Variants in PCDHGA3 observed in about 807,000 individuals in gnomAD.
The protein encoded by PCDHGA3 is protocadherin gamma subfamily A, 3, also known as protocadherin gamma-A3.
Under a neutral mutation model 58.5 loss-of-function variants are expected in PCDHGA3, and 40 were observed. The observed-to-expected ratio is 0.68, with a 90% CI of 0.53 to 0.89. The LOEUF (loss-of-function observed/expected upper bound fraction) is 0.89. Among genes scored for constraint, PCDHGA3 ranks in the 40% least tolerant of loss-of-function variants. PCDHGA3 has a pLI of 0.00. For synonymous variants in PCDHGA3, 530 were observed against 525.7 expected, an observed-to-expected ratio of 1.01 and a Z score of -0.11; for missense variants, 1,223 against 1,195.9, an observed-to-expected ratio of 1.02 and a Z score of -0.33.
intron 1 of PCDHGA3, chr5:141,351,280 C>T: frequency 1.2e-6 from 2 of 1,613,752 alleles, no homozygotes; most frequent in Non-Finnish European, 1.7e-6. Context: ...ATGACAATGC[C>T]CCAGAGGTGA....
chr5:141,365,976 G>T, intron 1 of PCDHGA3: 1 of 1,614,232 alleles, frequency 6.2e-7, no homozygotes, highest in Non-Finnish European at 8.5e-7. Context: ...GTGTCGCTGA[G>T]CCTGTTTGTG....
At chr5:141,394,425 G>A (rs2092997484) in intron 1 of PCDHGA3, 6 of 1,614,232 alleles carry the variant, frequency 3.7e-6, no homozygotes, top group Non-Finnish European at 5.1e-6. Flanking sequence ...CAGCGACAGC[G>A]GGGACCCGCC....
chr5:141,358,546 G>T (rs1278401378), intron 1 of PCDHGA3, among the ~76,000 whole-genome samples: 1 of 152,144 alleles, frequency 6.6e-6, no homozygotes, highest in East Asian at 1.9e-4. Flanking sequence ...TCTTGTTGCT[G>T]TTCTGAGATG....
intron 1 of PCDHGA3, chr5:141,484,853 G>T (rs747582810): frequency 2.5e-4 from 64 of 251,466 alleles, no homozygotes; most frequent in Non-Finnish European, 4.3e-4. Flanking sequence ...GGGTTTTTTG[G>T]GGGGTGGGGG....
In PCDHGA3 at chr5:141,490,004, CA is replaced by C; in HGVS notation, c.2425-4802del. 1 of 1,614,174 alleles carries C rather than the reference CA, an allele frequency of 6.2e-7. No individual in the cohort carries two copies. Among genetic ancestry groups the C allele is most frequent in the Admixed American group, 1.7e-5 (1 of 60,034 alleles). ...CTACGTGTGGGAATCCCAGAGAATG[CA>C]CCCATTGGTACTCTGCTGCTCCGCC... On this transcript the variant is annotated intron_variant, in intron 1 of 3. Transcript: ENST00000253812. This position sits in a 1 kb window ranked among gnomAD's most constrained non-coding sequence, Gnocchi z 5.4.
chr5:141,415,627 A>T, intron 1 of PCDHGA3: 1 of 1,598,406 alleles, frequency 6.3e-7, no homozygotes, highest in Non-Finnish European at 8.5e-7. Context: ...TTTTATTTTC[A>T]TTTTTACTTT....
intron 1 of PCDHGA3, among the ~76,000 whole-genome samples, chr5:141,463,809 T>G (rs964935762): frequency 1.3e-5 from 2 of 152,216 alleles, no homozygotes; most frequent in African/African-American, 4.8e-5. Context: ...TAAAAGCTTT[T>G]ATCACACATT....
intron 1 of PCDHGA3, chr5:141,351,807 T>C: frequency 1.9e-6 from 3 of 1,613,300 alleles, no homozygotes; most frequent in Non-Finnish European, 2.5e-6. Context: ...CAGCGCGCCT[T>C]CGACCACGAG....
At chr5:141,488,385 G>A (rs917106670) in intron 1 of PCDHGA3, among the ~76,000 whole-genome samples, 11 of 152,164 alleles carry the variant, frequency 7.2e-5, no homozygotes, top group Non-Finnish European at 1.5e-5. Context: ...TCCTGAATTT[G>A]GTGAAACCAT....
rs768907590 is a variant in PCDHGA3, at chr5:141,422,045, G to C, written c.2425-72762G>C. Reference sequence around the variant, plus strand: ...GTTAATGCAACGGATCCAGACGAGGGAATCAACGGGGAAGTAATGTATTCA... The same window carrying C: ...GTTAATGCAACGGATCCAGACGAGGCAATCAACGGGGAAGTAATGTATTCA... On this transcript the variant is annotated intron_variant, in intron 1 of 3. Transcript: ENST00000253812. 1.5e-5 allele frequency: 24 copies of C among 1,611,434 alleles called. No individual in the cohort carries two copies. The Admixed American group carries it at 3.9e-4, about 26-fold the overall frequency.
chr5:141,504,010 C>G (rs980812107), intron 2 of PCDHGA3, among the ~76,000 whole-genome samples: 9 of 152,204 alleles, frequency 5.9e-5, no homozygotes, highest in African/African-American at 1.2e-4. Context: ...TTAACTGTCT[C>G]TGCTGGTCTC....
Position 141,485,813 on chromosome 5 carries a change from G to A in PCDHGA3, c.2425-8994G>A. The A allele has an allele frequency of 1.9e-6, 3 of 1,614,078 alleles. No individual in the cohort carries two copies. Among genetic ancestry groups the A allele is most frequent in the Non-Finnish European group, 2.5e-6 (3 of 1,180,008 alleles). On this transcript the variant is annotated intron_variant, in intron 1 of 3. Coordinates refer to ENST00000253812, the MANE Select transcript of PCDHGA3 (RefSeq NM_018916.4). This position sits in a 1 kb window ranked among gnomAD's most constrained non-coding sequence, Gnocchi z 5.7. ...ATCGGACTACCGCCTGGTGCTGACT[G>A]CTGTCGATGGAGGGAACCCGCCGAG... is the stretch of plus-strand genomic sequence containing the variant.
intron 1 of PCDHGA3, chr5:141,379,179 T>C (rs1440992563): frequency 6.6e-6 from 1 of 152,218 alleles, no homozygotes; most frequent in Non-Finnish European, 1.5e-5. Context: ...AAAGATAACA[T>C]TGAGTTGATG....
At chr5:141,442,403 G>A (rs1042068651) in intron 1 of PCDHGA3, 2 of 152,168 alleles carry the variant, frequency 1.3e-5, no homozygotes, top group African/African-American at 4.8e-5. Context: ...TACGAATCCA[G>A]GGCTGAGTGA....
At chr5:141,507,931 G>A (rs1442781255) in intron 3 of PCDHGA3, 1 of 152,326 alleles carries the variant, frequency 6.6e-6, no homozygotes, top group African/African-American at 2.4e-5. Context: ...CTGCTGAGAG[G>A]GGTTAAGTAA....
intron 1 of PCDHGA3, chr5:141,374,905 CG>C: frequency 6.2e-7 from 1 of 1,613,734 alleles, no homozygotes; most frequent in Non-Finnish European, 8.5e-7. Flanking sequence ...AAGGAGTCCA[CG>C]GGGAAGTAAC....
intron 1 of PCDHGA3, chr5:141,388,788 T>C (rs1253708084): frequency 1.2e-6 from 2 of 1,613,942 alleles, no homozygotes; most frequent in Non-Finnish European, 1.7e-6. Flanking sequence ...AATTACTGTT[T>C]TAAATACATT....
At chr5:141,350,401 A>G (rs1465842989) in intron 1 of PCDHGA3, 1 of 1,600,540 alleles carries the variant, frequency 6.2e-7, no homozygotes, top group South Asian at 1.1e-5. Context: ...GGGTGGGGAA[A>G]CTTGCCAAGG....
intron 1 of PCDHGA3, chr5:141,398,010 G>A: frequency 7.1e-7 from 1 of 1,408,980 alleles, no homozygotes; most frequent in South Asian, 1.5e-5. Context: ...AAAAAGAATC[G>A]TTTCCTAAAC....
Sources: allele counts gnomAD v4.1 joint callset (sites outside exome capture counted in the v4.1 genomes callset), GRCh38; gene constraint gnomAD v4.1.1; non-coding constraint Gnocchi (gnomAD v3.1); transcripts MANE v1.5; gene names NCBI Gene and HGNC (gene_info 2026-07-23, HGNC 2026-07-21).